ADAM12: variants seen among roughly 807,000 people sequenced by gnomAD.
ADAM12 encodes ADAM metallopeptidase domain 12, also known as disintegrin and metalloproteinase domain-containing protein 12.
Under a neutral mutation model 106.4 loss-of-function variants are expected in ADAM12, and 70 were observed. The ratio of observed to expected loss-of-function variants is 0.66; its 90% CI spans 0.54 to 0.80. The LOEUF (loss-of-function observed/expected upper bound fraction) is 0.80. Ranked by LOEUF, ADAM12 falls within the 30% of genes least tolerant of loss-of-function variation. The pLI is 0.00. For synonymous variants in ADAM12, 420 were observed against 433.5 expected (o/e 0.97, Z 0.39); for missense variants, 1,010 against 1,171.9 (o/e 0.86, Z 2.02).
At chr10:126,186,362 T>C (rs1957399670) in intron 3 of ADAM12, among the ~76,000 whole-genome samples, 1 of 152,254 alleles carries the variant, frequency 6.6e-6, no homozygotes, top group African/African-American at 2.4e-5. Flanking sequence ...TGGTGCTTGG[T>C]TGAAGGAAAA....
chr10:126,044,970 C>T (rs1262551648), intron 17 of ADAM12, among the ~76,000 whole-genome samples: 1 of 152,180 alleles, frequency 6.6e-6, no homozygotes, highest in Non-Finnish European at 1.5e-5. Flanking sequence ...GGAGCCTGCC[C>T]TTGTTAGGGT....
intron 1 of ADAM12, among the ~76,000 whole-genome samples, chr10:126,342,652 C>T (rs1034876301): frequency 3.3e-5 from 5 of 152,166 alleles, no homozygotes; most frequent in African/African-American, 1.2e-4. Flanking sequence ...GATCTATTCC[C>T]ACAGACAAGA....
intron 3 of ADAM12, among the ~76,000 whole-genome samples, chr10:126,168,426 C>A (rs1271713356): frequency 1.3e-5 from 2 of 152,136 alleles, no homozygotes; most frequent in Non-Finnish European, 2.9e-5. Flanking sequence ...GTGCCTGCCT[C>A]ACAGGGACAC....
chr10:126,349,466 AT>A (rs1398592167), intron 1 of ADAM12, among the ~76,000 whole-genome samples: 1 of 152,258 alleles, frequency 6.6e-6, no homozygotes, highest in Non-Finnish European at 1.5e-5. Context: ...CAAATGATGT[AT>A]GCAGCAGACC....
At chr10:126,155,501 A>T (rs1956799003) in intron 3 of ADAM12, among the ~76,000 whole-genome samples, 196 bp from the exon 4 acceptor site, 1 of 152,012 alleles carries the variant, frequency 6.6e-6, no homozygotes, top group African/African-American at 2.4e-5. Context: ...CAGACAACAG[A>T]GTCAGATATG....
intron 2 of ADAM12, among the ~76,000 whole-genome samples, chr10:126,318,234 TCACA>T (rs973507378): frequency 2.6e-5 from 4 of 152,064 alleles, no homozygotes; most frequent in African/African-American, 7.2e-5. Context: ...ACCATCTCTC[TCACA>T]CACACTCTCA....
At chr10:126,325,334 T>A (rs975845965) in intron 2 of ADAM12, among the ~76,000 whole-genome samples, 2 of 151,880 alleles carry the variant, frequency 1.3e-5, no homozygotes, top group African/African-American at 4.8e-5. Context: ...CTACCAAGGG[T>A]TGGGAGGGAA....
chr10:126,224,482 G>C (rs1321909130), intron 3 of ADAM12, among the ~76,000 whole-genome samples: 4 of 152,092 alleles, frequency 2.6e-5, no homozygotes. Flanking sequence ...ACAAGCACAG[G>C]AAGGATGGAC....
At chr10:126,041,824 T>G in intron 18 of ADAM12, 1 of 1,189,754 alleles carries the variant, frequency 8.4e-7, no homozygotes, top group South Asian at 2.9e-5. Flanking sequence ...TTGAGTCCTC[T>G]TCCTCCTTGC....
At chr10:126,378,983 A>G (rs1477830883) in intron 1 of ADAM12, among the ~76,000 whole-genome samples, 1 of 152,210 alleles carries the variant, frequency 6.6e-6, no homozygotes, top group Non-Finnish European at 1.5e-5. Context: ...ATTTTGAGGT[A>G]TAATGTAGAC....
chr10:126,136,935 T>A (rs1434006838), intron 4 of ADAM12, among the ~76,000 whole-genome samples: 1 of 152,230 alleles, frequency 6.6e-6, no homozygotes, highest in African/African-American at 2.4e-5. Flanking sequence ...TTATGGTATT[T>A]TTTGTTCAGA....
chr10:126,113,784 G>C (rs1366945058), intron 6 of ADAM12, among the ~76,000 whole-genome samples: 5 of 134,346 alleles, frequency 3.7e-5, no homozygotes, highest in African/African-American at 1.4e-4. Context: ...AGATGATATT[G>C]GATGATACTG....
At chr10:126,212,757 C>T (rs901772859) in intron 3 of ADAM12, among the ~76,000 whole-genome samples, 10 of 152,154 alleles carry the variant, frequency 6.6e-5, no homozygotes, top group Admixed American at 2.6e-4. Flanking sequence ...GATGGATTCT[C>T]TTCAATTTTG....
intron 3 of ADAM12, among the ~76,000 whole-genome samples, chr10:126,157,308 C>T (rs1956837760): frequency 6.6e-6 from 1 of 152,220 alleles, no homozygotes; most frequent in Non-Finnish European, 1.5e-5. Context: ...CTCCGCCTCT[C>T]CTCCTCCTCA....
intron 14 of ADAM12, among the ~76,000 whole-genome samples, chr10:126,063,795 C>T (rs576542503): frequency 2.0e-5 from 3 of 152,330 alleles, no homozygotes; most frequent in East Asian, 3.9e-4. Context: ...TCTGGGGTGA[C>T]GGGGCCTTGG....
intron 3 of ADAM12, among the ~76,000 whole-genome samples, chr10:126,174,623 T>C (rs768773969): frequency 6.6e-6 from 1 of 152,190 alleles, no homozygotes; most frequent in Non-Finnish European, 1.5e-5. Context: ...TACCACAAGA[T>C]GATTTTAGGA....
intron 3 of ADAM12, among the ~76,000 whole-genome samples, chr10:126,244,887 G>A (rs1472506879): frequency 2.6e-5 from 4 of 152,204 alleles, no homozygotes; most frequent in Admixed American, 1.3e-4. Flanking sequence ...TAGCAAATGA[G>A]TAGACATTCA....
intron 11 of ADAM12, among the ~76,000 whole-genome samples, chr10:126,093,711 A>C (rs980022649): frequency 1.3e-5 from 2 of 152,266 alleles, no homozygotes; most frequent in Non-Finnish European, 2.9e-5. Context: ...GAAGATAATT[A>C]GCGATTTCTA....
At chr10:126,304,770 G>C (rs1180286509) in intron 2 of ADAM12, among the ~76,000 whole-genome samples, 1 of 151,326 alleles carries the variant, frequency 6.6e-6, no homozygotes, top group African/African-American at 2.4e-5. Flanking sequence ...CGTAAAAATG[G>C]GTAAAAAAAA....
Sources: allele counts gnomAD v4.1 joint callset (sites outside exome capture counted in the v4.1 genomes callset), GRCh38; gene constraint gnomAD v4.1.1; transcripts MANE v1.5; gene names NCBI Gene and HGNC (gene_info 2026-07-23, HGNC 2026-07-21).